The following PIP4K2A variants were observed in gnomAD, a reference collection of about 807,000 sequenced individuals.
PIP4K2A encodes phosphatidylinositol 5-phosphate 4-kinase type-2 alpha.
PIP4K2A carries 14 observed loss-of-function variants against 42.9 expected under a neutral mutation model. The ratio of observed to expected loss-of-function variants is 0.33; its 90% confidence interval spans 0.22 to 0.51. PIP4K2A has a LOEUF of 0.51. Among genes scored for constraint, PIP4K2A ranks in the 20% least tolerant of loss-of-function variants. The probability of loss-of-function intolerance (pLI) is 0.97; values close to 1 mark genes in which losing one functional copy is unlikely to be tolerated. For synonymous variants in PIP4K2A, 192 were observed against 192.2 expected (o/e 1.00, Z 0.01); for missense variants, 434 against 519.8 (o/e 0.83, Z 1.61).
chr10:22,604,669 T>C (rs1329591504), intron 3 of PIP4K2A, among the ~76,000 whole-genome samples: 1 of 151,546 alleles, frequency 6.6e-6, no homozygotes, highest in Non-Finnish European at 1.5e-5. Flanking sequence ...AGAAAGAGAG[T>C]TGGTTTTTTT....
intron 1 of PIP4K2A, among the ~76,000 whole-genome samples, chr10:22,683,835 TCACACACACACACACACACACA>T (rs138327782): frequency 2.2e-5 from 3 of 139,402 alleles, no homozygotes; most frequent in Admixed American, 1.5e-4. Flanking sequence ...ACCAAGCAGT[TCACACACACACACACACACACA>T]CACACACACA....
At chr10:22,601,997 T>C (rs888883819) in intron 3 of PIP4K2A, among the ~76,000 whole-genome samples, 6 of 152,206 alleles carry the variant, frequency 3.9e-5, no homozygotes, top group African/African-American at 1.4e-4. Flanking sequence ...GTGCTTTACA[T>C]GGTGGGTGAC....
At chr10:22,593,159 G>A (rs1037611365) in intron 3 of PIP4K2A, among the ~76,000 whole-genome samples, 1 of 152,172 alleles carries the variant, frequency 6.6e-6, no homozygotes, top group Non-Finnish European at 1.5e-5. Context: ...GAGAAAAGTG[G>A]CCCATGAGCA....
At chr10:22,622,542 G>A (rs556474984) in intron 1 of PIP4K2A, among the ~76,000 whole-genome samples, 1 of 152,348 alleles carries the variant, frequency 6.6e-6, no homozygotes, top group South Asian at 2.1e-4. Flanking sequence ...CACTCCCCGA[G>A]GGGACACTGG....
intron 5 of PIP4K2A, chr10:22,569,008 C>T: frequency 6.5e-7 from 1 of 1,533,656 alleles, no homozygotes. Flanking sequence ...ATTAAATGAA[C>T]TTACAGTTGG....
chr10:22,676,143 G>C (rs1839553273), intron 1 of PIP4K2A, among the ~76,000 whole-genome samples: 1 of 152,034 alleles, frequency 6.6e-6, no homozygotes, highest in African/African-American at 2.4e-5. Context: ...TGAAGTGTCT[G>C]TTTCCATTGA....
At chr10:22,668,523 G>A (rs35355312) in intron 1 of PIP4K2A, among the ~76,000 whole-genome samples, 17,191 of 152,162 alleles carry the variant, frequency 0.11, 1,074 homozygotes, top group Middle Eastern at 0.21. Context: ...GGCTTACAGG[G>A]TAGGCAGCTC....
At position 22,562,075 on chromosome 10, in the gene PIP4K2A, T is replaced by C. The variant is rs116396146; in HGVS notation, c.678+5776A>G. Among the ~76,000 whole-genome samples, 838 of 152,066 alleles carry C rather than the reference T, an allele frequency of 5.5e-3. 9 individuals carry two copies. Among genetic ancestry groups the C allele is most frequent in the African/African-American group, 0.019 (780 of 41,476 alleles). ...TTAGTAGACTGTTTTGATAGCATTTTCCCCCCCGATGTCTGATCATAAAAA... is the reference window on the plus strand; with the variant it reads ...TTAGTAGACTGTTTTGATAGCATTTCCCCCCCCGATGTCTGATCATAAAAA... On this transcript the variant is annotated intron_variant, in intron 6 of 9. Coordinates refer to ENST00000376573, the MANE Select transcript of PIP4K2A (RefSeq NM_005028.5).
chr10:22,583,319 A>G (rs1396263537), intron 4 of PIP4K2A, among the ~76,000 whole-genome samples: 1 of 152,208 alleles, frequency 6.6e-6, no homozygotes, highest in Non-Finnish European at 1.5e-5. Context: ...CTTAGCTGGT[A>G]TAAAGGCAGG....
At position 22,674,373 on chromosome 10, in the gene PIP4K2A, TGTG is replaced by T. The variant is rs149139334; in HGVS notation, c.144+39807_144+39809del. ...ACACTGTGACTCCTAAGAACCATGC[TGTG>T]GTGATCAGAGAAGAGACAAGAGACA... On this transcript the variant is annotated intron_variant, in intron 1 of 9. Transcript: ENST00000376573. Among the ~76,000 whole-genome samples, 53 of 140,312 alleles carry T rather than the reference TGTG, an allele frequency of 3.8e-4. No homozygotes were observed. In the East Asian group the frequency reaches 9.8e-3, roughly 26 times the overall value. 92.1% of individuals were successfully genotyped at this position (140,312 alleles called of 152,430 possible). A position where few individuals can be genotyped will look rare whatever the true frequency, so the allele number is the denominator to read the frequency against.
intron 1 of PIP4K2A, among the ~76,000 whole-genome samples, chr10:22,707,651 T>G (rs1294223153): frequency 6.6e-6 from 1 of 152,232 alleles, no homozygotes; most frequent in Non-Finnish European, 1.5e-5. Flanking sequence ...GCTCAGTGGT[T>G]AACGGTACCG....
intron 1 of PIP4K2A, among the ~76,000 whole-genome samples, chr10:22,650,052 C>A (rs2130809362): frequency 6.6e-6 from 1 of 152,230 alleles, no homozygotes; most frequent in South Asian, 2.1e-4. Flanking sequence ...AGAACCCATC[C>A]ATGGGATTTG....
chr10:22,604,891 G>A (rs1405626318), intron 3 of PIP4K2A, among the ~76,000 whole-genome samples: 5 of 152,218 alleles, frequency 3.3e-5, no homozygotes, highest in African/African-American at 1.2e-4. Context: ...CCAGGCAGCT[G>A]AAGCCCCAGG....
intron 1 of PIP4K2A, among the ~76,000 whole-genome samples, chr10:22,684,597 TTGTC>T (rs1471142230): frequency 6.6e-6 from 1 of 152,206 alleles, no homozygotes; most frequent in Non-Finnish European, 1.5e-5. Flanking sequence ...GAAACATAAT[TTGTC>T]TATCAGAAAA....
intron 3 of PIP4K2A, among the ~76,000 whole-genome samples, chr10:22,598,320 T>C (rs1203938770): frequency 6.6e-6 from 1 of 152,208 alleles, no homozygotes; most frequent in Non-Finnish European, 1.5e-5. Context: ...ATTGTACCAC[T>C]GCACTCCAGC....
intron 7 of PIP4K2A, among the ~76,000 whole-genome samples, chr10:22,550,078 C>T (rs1381161466): frequency 1.3e-5 from 2 of 152,120 alleles, no homozygotes; most frequent in Non-Finnish European, 2.9e-5. Context: ...TTCTATGTCT[C>T]TCCACTGTCC....
intron 5 of PIP4K2A, among the ~76,000 whole-genome samples, chr10:22,572,230 G>GT (rs1246461634): frequency 7.2e-5 from 11 of 152,334 alleles, no homozygotes; most frequent in Non-Finnish European, 1.6e-4. Flanking sequence ...GGTCTCTGCG[G>GT]TAACTACCAA....
chr10:22,711,261 T>C (rs1833906867), intron 1 of PIP4K2A, among the ~76,000 whole-genome samples: 1 of 152,204 alleles, frequency 6.6e-6, no homozygotes, highest in African/African-American at 2.4e-5. Flanking sequence ...TTCACCTTAA[T>C]TGCAAGTTGT....
intron 3 of PIP4K2A, among the ~76,000 whole-genome samples, chr10:22,596,826 G>A (rs1170400010): frequency 1.3e-5 from 2 of 152,214 alleles, no homozygotes; most frequent in African/African-American, 4.8e-5. Flanking sequence ...ACATCAGGTG[G>A]GCTGGTGTAC....
Sources: allele counts gnomAD v4.1 joint callset (sites outside exome capture counted in the v4.1 genomes callset), GRCh38; gene constraint gnomAD v4.1.1; transcripts MANE v1.5; gene names NCBI Gene and HGNC (gene_info 2026-07-23, HGNC 2026-07-21).